Variants in ARHGAP24 observed in about 807,000 individuals in gnomAD.
ARHGAP24 encodes the protein Rho GTPase activating protein 24, also known as rho GTPase-activating protein 24.
A neutral mutation model predicts 76.4 loss-of-function variants in ARHGAP24; 50 were observed. The ratio of observed to expected loss-of-function variants is 0.65; its 90% CI spans 0.52 to 0.83. The LOEUF (loss-of-function observed/expected upper bound fraction) is 0.83. ARHGAP24 is among the 40% of genes least tolerant of loss of function. The pLI, the probability that ARHGAP24 is intolerant of heterozygous loss-of-function variation, is 0.00. For missense variants in ARHGAP24, 930 were observed against 914.2 expected, an observed-to-expected ratio of 1.02 and a Z score of -0.22; for synonymous variants, 345 against 323.3, an observed-to-expected ratio of 1.07 and a Z score of -0.72.
intron 1 of ARHGAP24, among the ~76,000 whole-genome samples, chr4:85,555,385 T>C (rs542339307): frequency 5.0e-4 from 76 of 152,348 alleles, no homozygotes; most frequent in African/African-American, 1.7e-3. Flanking sequence ...TTGTCCTTGG[T>C]TTCACAGTGT....
At chr4:85,770,940 A>T (rs1487172224) in intron 3 of ARHGAP24, among the ~76,000 whole-genome samples, 1 of 152,200 alleles carries the variant, frequency 6.6e-6, no homozygotes, top group East Asian at 1.9e-4. Context: ...GGTGTTCATT[A>T]ATATTGACTT....
chr4:85,582,180 G>A (rs1727641453), intron 2 of ARHGAP24, among the ~76,000 whole-genome samples: 1 of 152,068 alleles, frequency 6.6e-6, no homozygotes, highest in Non-Finnish European at 1.5e-5. Context: ...ATGGGAAAAT[G>A]AGCAGTAATT....
chr4:85,488,062 A>G (rs1723206438), intron 1 of ARHGAP24, among the ~76,000 whole-genome samples: 1 of 150,158 alleles, frequency 6.7e-6, no homozygotes, highest in Non-Finnish European at 1.5e-5. Context: ...GCCGGCCACC[A>G]CGCCCGGCTA....
chr4:85,551,776 T>G (rs1726149772), intron 1 of ARHGAP24, among the ~76,000 whole-genome samples: 1 of 152,180 alleles, frequency 6.6e-6, no homozygotes, highest in Non-Finnish European at 1.5e-5. Context: ...TTCAGGAATT[T>G]ATACATTTCT....
intron 2 of ARHGAP24, among the ~76,000 whole-genome samples, chr4:85,660,082 A>G (rs1350339143): frequency 1.3e-5 from 2 of 152,162 alleles, no homozygotes; most frequent in Non-Finnish European, 2.9e-5. Context: ...GCATGTGCTT[A>G]ACTTCAGATT....
At chr4:85,827,303 A>T (rs191119602) in intron 3 of ARHGAP24, among the ~76,000 whole-genome samples, 2 of 152,272 alleles carry the variant, frequency 1.3e-5, no homozygotes, top group African/African-American at 4.8e-5. Context: ...ATGGGCCAGA[A>T]ATCATTTTGC....
intron 9 of ARHGAP24, among the ~76,000 whole-genome samples, chr4:85,997,492 G>T (rs760964264): frequency 2.6e-5 from 4 of 152,144 alleles, no homozygotes; most frequent in Admixed American, 1.3e-4. Context: ...ATTGAGGGTG[G>T]ATGGATGGAT....
Position 85,522,785 on chromosome 4 carries a change from A to G in ARHGAP24, c.-21+47226A>G, listed in dbSNP as rs80178891. ...GCCTGTTTTGCTATCATGTACTGCA[A>G]TGTTATCCTGTGTCAGTTTATCCGC... On this transcript the variant is annotated intron_variant, in intron 1 of 9. Transcript: ENST00000395184. 6.7e-3 allele frequency among the ~76,000 whole-genome samples: 1,027 copies of G among 152,288 alleles called. 18 individuals carry two copies. Among genetic ancestry groups the G allele is most frequent in the African/African-American group, 0.024 (978 of 41,574 alleles).
At chr4:85,761,315 G>A (rs549167251) in intron 3 of ARHGAP24, among the ~76,000 whole-genome samples, 9 of 152,136 alleles carry the variant, frequency 5.9e-5, no homozygotes, top group East Asian at 1.9e-4. Context: ...CAGGCCTTGC[G>A]ATGGCTTCTC....
chr4:85,641,467 G>A (rs1473987169), intron 2 of ARHGAP24, among the ~76,000 whole-genome samples: 1 of 152,152 alleles, frequency 6.6e-6, no homozygotes, highest in Non-Finnish European at 1.5e-5. Flanking sequence ...TTCCTTCTGA[G>A]AGCTGCAAGG....
chr4:85,789,135 C>T (rs1727997154), intron 3 of ARHGAP24, among the ~76,000 whole-genome samples: 1 of 151,408 alleles, frequency 6.6e-6, no homozygotes, highest in Admixed American at 6.6e-5. Context: ...ACTCAACCTC[C>T]AGAGGCAGGA....
chr4:85,869,791 C>T, intron 3 of ARHGAP24, among the ~76,000 whole-genome samples: 1 of 152,090 alleles, frequency 6.6e-6, no homozygotes, highest in Admixed American at 6.6e-5. Context: ...AGGCATAGAT[C>T]AGAGAAACAG....
intron 3 of ARHGAP24, 54 bp from the exon 4 acceptor site, chr4:85,923,594 T>C (rs1735852433): frequency 6.2e-7 from 1 of 1,611,320 alleles, no homozygotes; most frequent in East Asian, 2.2e-5. Flanking sequence ...TGGAGGCTGA[T>C]CATGAGGAAT....
chr4:85,623,760 A>G (rs1360192386), intron 2 of ARHGAP24, among the ~76,000 whole-genome samples: 1 of 151,762 alleles, frequency 6.6e-6, no homozygotes, highest in Non-Finnish European at 1.5e-5. Context: ...ATCTTCTTTT[A>G]TTTCATTGAG....
chr4:85,590,184 GCCTGCCTGCCTTCCTTCCTT>G (rs1273000745), intron 2 of ARHGAP24, among the ~76,000 whole-genome samples: 9 of 108,218 alleles, frequency 8.3e-5, no homozygotes, highest in African/African-American at 2.9e-4. Context: ...CTGCCTGCCT[GCCTGCCTGCCTTCCTTCCTT>G]CCTTCCTTCC....
intron 7 of ARHGAP24, among the ~76,000 whole-genome samples, chr4:85,976,409 C>T (rs1358652716): frequency 6.6e-6 from 1 of 152,134 alleles, no homozygotes; most frequent in East Asian, 1.9e-4. Context: ...AAGATCCCCC[C>T]TCTGGTACCA....
intron 3 of ARHGAP24, among the ~76,000 whole-genome samples, chr4:85,889,618 A>G (rs1010578312): frequency 3.3e-5 from 5 of 152,212 alleles, no homozygotes; most frequent in Non-Finnish European, 5.9e-5. Context: ...TTCCACGACT[A>G]TTTAGCTGCT....
intron 2 of ARHGAP24, among the ~76,000 whole-genome samples, chr4:85,655,788 T>TAGAG (rs1296201189): frequency 2.0e-4 from 10 of 49,534 alleles, no homozygotes; most frequent in African/African-American, 4.6e-4. Context: ...TATATATATA[T>TAGAG]ATATAGAGAG....
chr4:85,819,171 T>C (rs1251724495), intron 3 of ARHGAP24, among the ~76,000 whole-genome samples: 1 of 152,232 alleles, frequency 6.6e-6, no homozygotes, highest in African/African-American at 2.4e-5. Flanking sequence ...CTGATGGCCA[T>C]ATGCCTTTAT....
Sources: allele counts gnomAD v4.1 joint callset (sites outside exome capture counted in the v4.1 genomes callset), GRCh38; gene constraint gnomAD v4.1.1; transcripts MANE v1.5; gene names NCBI Gene and HGNC (gene_info 2026-07-23, HGNC 2026-07-21).